ZFHX3: variants seen among roughly 807,000 people sequenced by gnomAD.
ZFHX3 encodes zinc finger homeobox protein 3.
In ZFHX3, 42 loss-of-function variants were observed where a neutral mutation model predicts 279.1. The observed-to-expected ratio is 0.15, with a 90% CI of 0.12 to 0.19. The LOEUF is 0.19. Ranked by LOEUF, ZFHX3 falls within the 10% of genes least tolerant of loss-of-function variation. The pLI, the probability that ZFHX3 is intolerant of heterozygous loss-of-function variation, is 1.00. For missense variants in ZFHX3, 4,981 were observed against 4,754.0 expected (o/e 1.05, Z -1.40); for synonymous variants, 2,293 against 1,957.8 (o/e 1.17, Z -4.52).
intron 7 of ZFHX3, among the ~76,000 whole-genome samples, chr16:73,105,898 C>T (rs545955879): frequency 1.3e-4 from 20 of 151,796 alleles, no homozygotes; most frequent in South Asian, 6.3e-4. Flanking sequence ...CTTTCACCCC[C>T]GCATCTCTCC....
chr16:73,018,769 T>C (rs1964195713), intron 1 of ZFHX3, among the ~76,000 whole-genome samples: 1 of 152,220 alleles, frequency 6.6e-6, no homozygotes, highest in South Asian at 2.1e-4. Flanking sequence ...ATAGTCTAAA[T>C]GCTAAAACTG....
intron 1 of ZFHX3, among the ~76,000 whole-genome samples, chr16:73,870,489 G>A (rs1037515702): frequency 6.6e-6 from 1 of 152,176 alleles, no homozygotes; most frequent in Non-Finnish European, 1.5e-5. Context: ...ACTAGTCCAC[G>A]TCAACGCTCA....
chr16:73,331,086 G>T (rs1366934734), intron 3 of ZFHX3, among the ~76,000 whole-genome samples: 1 of 152,122 alleles, frequency 6.6e-6, no homozygotes, highest in Non-Finnish European at 1.5e-5. Flanking sequence ...ACATGGCTAG[G>T]GAGGCCTCAG....
At chr16:73,668,306 CT>C (rs1035739315) in intron 2 of ZFHX3, among the ~76,000 whole-genome samples, 41 of 146,576 alleles carry the variant, frequency 2.8e-4, no homozygotes, top group African/African-American at 3.7e-4. Flanking sequence ...TTTGTATTTT[CT>C]TTTTTTTTTT....
At chr16:73,628,564 C>T (rs1198162313) in intron 2 of ZFHX3, among the ~76,000 whole-genome samples, 2 of 152,188 alleles carry the variant, frequency 1.3e-5, no homozygotes, top group African/African-American at 4.8e-5. Flanking sequence ...TACTACCACG[C>T]TCTGGGCCTG....
chr16:73,236,092 G>A (rs2012939680), intron 5 of ZFHX3, among the ~76,000 whole-genome samples: 1 of 152,198 alleles, frequency 6.6e-6, no homozygotes, highest in African/African-American at 2.4e-5. Context: ...TAGAACAGGT[G>A]TTTTGGCTTT....
At chr16:72,893,034 G>A (rs780128267) in intron 3 of ZFHX3, among the ~76,000 whole-genome samples, 28 of 152,146 alleles carry the variant, frequency 1.8e-4, no homozygotes, top group Non-Finnish European at 2.9e-4. Flanking sequence ...AACAGGACCA[G>A]GATATTCCAG....
intron 5 of ZFHX3, among the ~76,000 whole-genome samples, chr16:73,243,401 T>A (rs1295599035): frequency 2.6e-5 from 4 of 152,214 alleles, no homozygotes; most frequent in Non-Finnish European, 5.9e-5. Flanking sequence ...TTTGTCCTCA[T>A]TGTACTCATA....
At chr16:72,954,884 C>G (rs1035181926) in intron 2 of ZFHX3, among the ~76,000 whole-genome samples, 7 of 152,168 alleles carry the variant, frequency 4.6e-5, no homozygotes, top group African/African-American at 1.7e-4. Flanking sequence ...AAAACAATCA[C>G]CTTGTAAAGA....
chr16:73,661,140 T>C lies in ZFHX3; in HGVS notation c.-1547+19040A>G, dbSNP rs551201115. On this transcript the variant is annotated intron_variant, in intron 2 of 17. Coordinates refer to the ZFHX3 transcript ENST00000641206. ...TTTTACTGACTTAAATAAGAATATC[T>C]GAAAATAAAGGAAATAAAGGGTCCG... is the stretch of plus-strand genomic sequence containing the variant. 2.0e-5 allele frequency among the ~76,000 whole-genome samples: 3 copies of C among 152,302 alleles called. No homozygotes were observed. The South Asian group carries it at 6.2e-4, about 32-fold the overall frequency.
chr16:73,831,949 G>A lies in ZFHX3; in HGVS notation c.-1608+59702C>T, dbSNP rs534054379. On this transcript the variant is annotated intron_variant, in intron 1 of 17. Transcript: ENST00000641206. ...GGAGTCTCTCTCTGTCACCCAGGCT[G>A]GAGTGCAGTGGCATGATCTTGGCTC... 3.3e-5 allele frequency among the ~76,000 whole-genome samples: 5 copies of A among 152,308 alleles called. No homozygotes were observed. In the South Asian group the frequency reaches 6.2e-4, roughly 19 times the overall value.
At chr16:73,547,908 T>G (rs1162056339) in intron 2 of ZFHX3, among the ~76,000 whole-genome samples, 1 of 152,234 alleles carries the variant, frequency 6.6e-6, no homozygotes, top group African/African-American at 2.4e-5. Context: ...TGCTCAATGT[T>G]ACTTTAAACA....
chr16:73,418,286 G>C (rs879355592), intron 3 of ZFHX3, among the ~76,000 whole-genome samples: 3 of 152,244 alleles, frequency 2.0e-5, no homozygotes, highest in Non-Finnish European at 4.4e-5. Context: ...GCAGCTGGTA[G>C]ACGGTGGTAC....
chr16:73,401,134 T>C (rs2017242617), intron 3 of ZFHX3: 1 of 152,080 alleles, frequency 6.6e-6, no homozygotes, highest in African/African-American at 2.4e-5. Flanking sequence ...TCCCTGGGAA[T>C]GTCGGTGGCC....
intron 3 of ZFHX3, among the ~76,000 whole-genome samples, chr16:73,408,934 C>A (rs1439899626): frequency 6.6e-6 from 1 of 152,156 alleles, no homozygotes; most frequent in Admixed American, 6.5e-5. Flanking sequence ...GATTATCCCA[C>A]CCCGCCAAAA....
intron 4 of ZFHX3, among the ~76,000 whole-genome samples, chr16:72,858,879 C>T (rs2037816581): frequency 6.6e-6 from 1 of 152,224 alleles, no homozygotes; most frequent in South Asian, 2.1e-4. Flanking sequence ...GTCTCCTGCT[C>T]AGCTTCAGGC....
chr16:73,682,333 TA>T, intron 1 of ZFHX3, among the ~76,000 whole-genome samples: 1 of 152,280 alleles, frequency 6.6e-6, no homozygotes, highest in East Asian at 1.9e-4. Context: ...TTTTCTTATA[TA>T]AAAATTAGGG....
At chr16:73,803,238 C>CA (rs1187775960) in intron 1 of ZFHX3, among the ~76,000 whole-genome samples, 1 of 152,134 alleles carries the variant, frequency 6.6e-6, no homozygotes, top group Non-Finnish European at 1.5e-5. Context: ...AAAAGATACC[C>CA]AACTCCAGAG....
At chr16:73,565,013 G>A (rs1169902532) in intron 2 of ZFHX3, among the ~76,000 whole-genome samples, 1 of 151,942 alleles carries the variant, frequency 6.6e-6, no homozygotes, top group Non-Finnish European at 1.5e-5. Context: ...ACCATTTTGG[G>A]AGGCCAAGGC....
Sources: gnomAD v4.1 joint callset for allele counts (sites outside exome capture counted in the v4.1 genomes callset) on GRCh38, gnomAD v4.1.1 for gene constraint, MANE v1.5 for transcripts, NCBI Gene and HGNC (gene_info 2026-07-23, HGNC 2026-07-21) for gene names.